Variants in FNDC1 observed in about 807,000 individuals in gnomAD.
FNDC1 encodes fibronectin type III domain-containing protein 1.
A neutral mutation model predicts 168.0 loss-of-function variants in FNDC1; 96 were observed. That is an observed-to-expected ratio of 0.57 (90% CI 0.48 to 0.68). The LOEUF is 0.68. FNDC1 is among the 30% of genes least tolerant of loss of function. FNDC1 has a pLI of 0.00. For missense variants in FNDC1, 2,587 were observed against 2,482.1 expected (o/e 1.04, Z -0.90); for synonymous variants, 1,099 against 1,025.9 (o/e 1.07, Z -1.36).
intron 22 of FNDC1, among the ~76,000 whole-genome samples, chr6:159,269,067 TC>T (rs1777656153): frequency 5.4e-5 from 1 of 18,436 alleles, no homozygotes; most frequent in Non-Finnish European, 3.3e-4. Flanking sequence ...TGTCTATCTA[TC>T]TATCTATCTA....
At chr6:159,219,770 G>A (rs1289982780) in intron 5 of FNDC1, among the ~76,000 whole-genome samples, 1 of 152,062 alleles carries the variant, frequency 6.6e-6, no homozygotes, top group Non-Finnish European at 1.5e-5. Flanking sequence ...TACATTGAAG[G>A]CATATACAAA....
intron 22 of FNDC1, 100 bp downstream of exon 22, chr6:159,268,026 C>T (rs763534559): frequency 3.2e-6 from 4 of 1,261,712 alleles, no homozygotes; most frequent in African/African-American, 1.5e-5. Flanking sequence ...CCTTGTCATT[C>T]GAAGATGGAT....
intron 9 of FNDC1, among the ~76,000 whole-genome samples, chr6:159,227,924 A>G (rs375423): frequency 0.38 from 58,415 of 152,166 alleles, 14,359 homozygotes; most frequent in East Asian, 0.73. Flanking sequence ...TGTGGGCCAC[A>G]GGTTGAACAG....
chr6:159,173,313 C>T (rs1781699584), intron 1 of FNDC1, among the ~76,000 whole-genome samples: 1 of 152,188 alleles, frequency 6.6e-6, no homozygotes, highest in South Asian at 2.1e-4. Flanking sequence ...AAGGAGGCTC[C>T]TTCCATCTCT....
Position 159,234,288 on chromosome 6 carries a change from C to G in FNDC1, c.3776C>G (p.Ser1259Cys), listed in dbSNP as rs765204113. 3 of 1,602,058 alleles carry G rather than the reference C, an allele frequency of 1.9e-6. No homozygotes were observed. The East Asian group carries it at 6.8e-5, about 36-fold the overall frequency. ...TCCCCCAGGGCCTCCCACGTCCCTT[C>G]CCGACTGCCGCCTCGCAGCGCTGCC... ...GSSPRASHVP[S>C]RLPPRSAATV... The change falls in exon 11 of 23, where the codon TCC becomes TGC. Residue 1259 changes from serine to cysteine, a missense_variant. By Grantham distance (112) the Ser-to-Cys change is moderately radical (BLOSUM62 -1). Transcript: ENST00000297267.
At chr6:159,262,572 A>G (rs1314633844) in intron 19 of FNDC1, among the ~76,000 whole-genome samples, 1 of 152,260 alleles carries the variant, frequency 6.6e-6, no homozygotes, top group African/African-American at 2.4e-5. Context: ...CTTGGCAACT[A>G]TCAGAATCAA....
chr6:159,251,315 G>T lies in FNDC1; in HGVS notation c.4848G>T (p.Thr1616=). ...GRKRFVAPYV[T]YLNKDPSAPC... ...GTTCTTTTCCAGCTCCTTACGTGAC[G>T]TACCTAAATAAAGACCCATCAGCCC... is the stretch of plus-strand genomic sequence containing the variant. The change falls in exon 17 of 23, where the codon ACG becomes ACT. Residue 1616 remains threonine, a synonymous_variant. Transcript: ENST00000297267. 4 of 1,613,514 alleles carry T rather than the reference G, an allele frequency of 2.5e-6. No homozygotes were observed. Among genetic ancestry groups the T allele is most frequent in the Non-Finnish European group, 3.4e-6 (4 of 1,179,610 alleles).
chr6:159,182,613 T>C (rs1388250923), intron 1 of FNDC1, among the ~76,000 whole-genome samples: 2 of 152,254 alleles, frequency 1.3e-5, no homozygotes, highest in Non-Finnish European at 2.9e-5. Flanking sequence ...CATGTGCCAA[T>C]GTAGTGCTTC....
At chr6:159,185,912 A>G (rs1046387057) in intron 1 of FNDC1, among the ~76,000 whole-genome samples, 9 of 152,220 alleles carry the variant, frequency 5.9e-5, no homozygotes, top group Admixed American at 3.3e-4. Flanking sequence ...CATAGTGTCT[A>G]TGGTGGTGGT....
intron 1 of FNDC1, among the ~76,000 whole-genome samples, chr6:159,179,875 C>T (rs543140396): frequency 6.6e-6 from 1 of 152,300 alleles, no homozygotes; most frequent in Admixed American, 6.5e-5. Context: ...GTTGACCGGC[C>T]TCCAGCAGAA....
intron 22 of FNDC1, among the ~76,000 whole-genome samples, chr6:159,268,925 A>G (rs548591620): frequency 6.7e-6 from 1 of 148,858 alleles, no homozygotes; most frequent in South Asian, 2.1e-4. Flanking sequence ...CTGCTTGTCT[A>G]TCTCTGTATC....
At chr6:159,246,332 T>C (rs1012031838) in intron 14 of FNDC1, among the ~76,000 whole-genome samples, 7 of 152,166 alleles carry the variant, frequency 4.6e-5, no homozygotes, top group African/African-American at 1.7e-4. Flanking sequence ...TTGGTAGAGT[T>C]TGCCAAGTTG....
intron 12 of FNDC1, among the ~76,000 whole-genome samples, chr6:159,237,694 A>G (rs447637): frequency 0.84 from 128,432 of 152,200 alleles, 54,662 homozygotes; most frequent in Non-Finnish European, 0.9. Context: ...GAAATATATG[A>G]AACAGAAAAT....
chr6:159,213,853 T>A (rs747775980), intron 4 of FNDC1, among the ~76,000 whole-genome samples: 4 of 152,190 alleles, frequency 2.6e-5, no homozygotes, highest in Non-Finnish European at 5.9e-5. Context: ...GGATATTCCT[T>A]TTGGTTAGAT....
At chr6:159,237,391 A>T (rs1191883295) in intron 12 of FNDC1, among the ~76,000 whole-genome samples, 1 of 152,124 alleles carries the variant, frequency 6.6e-6, no homozygotes, top group East Asian at 1.9e-4. Context: ...AGTATCTGAC[A>T]AGTTCCTATG....
rs1562316108 is a variant in FNDC1, at chr6:159,269,503, C to CATGCATCCATCT, written c.5569+1579_5569+1580insGCATCCATCTAT. On this transcript the variant is annotated intron_variant, in intron 22 of 22. Transcript: ENST00000297267. ...CTATCTATCTATCTATCTATCTATCCATCCATCCATGCATCCATCCATCCA... is the reference window on the plus strand; with the variant it reads ...CTATCTATCTATCTATCTATCTATCCATGCATCCATCTATCCATCCATGCATCCATCCATCCA... Among the ~76,000 whole-genome samples the CATGCATCCATCT allele has an allele frequency of 8.9e-3, 962 of 108,038 alleles. 12 individuals carry two copies. The highest frequency in any genetic ancestry group is 0.016 in the African/African-American group (469 of 29,756). The allele number at this position is 108,038 out of a possible 152,430, so 70.9% of individuals were successfully genotyped here.
chr6:159,240,101 T>C, intron 14 of FNDC1, 144 bp downstream of exon 14: 1 of 658,066 alleles, frequency 1.5e-6, no homozygotes, highest in East Asian at 2.9e-5. Flanking sequence ...TCCCAGCAGG[T>C]TTGTTTGACA....
chr6:159,211,759 A>G (rs1212868776), intron 4 of FNDC1, among the ~76,000 whole-genome samples: 1 of 152,204 alleles, frequency 6.6e-6, no homozygotes, highest in Non-Finnish European at 1.5e-5. Context: ...CGAACGCTTT[A>G]CATGGTTATA....
chr6:159,251,934 A>G (rs956434394), intron 17 of FNDC1, among the ~76,000 whole-genome samples: 1 of 152,180 alleles, frequency 6.6e-6, no homozygotes, highest in African/African-American at 2.4e-5. Context: ...GAGCGTGACC[A>G]TAAGCTCCCG....
Sources: allele counts gnomAD v4.1 joint callset (sites outside exome capture counted in the v4.1 genomes callset), GRCh38; gene constraint gnomAD v4.1.1; transcripts MANE v1.5; gene names NCBI Gene and HGNC (gene_info 2026-07-23, HGNC 2026-07-21).